The following MOCOS variants were observed in gnomAD, a reference collection of about 807,000 sequenced individuals.
The protein encoded by MOCOS is molybdenum cofactor sulfurase.
MOCOS carries 86 observed loss-of-function variants against 83.6 expected under a neutral mutation model. The observed-to-expected ratio is 1.03, with a 90% confidence interval of 0.86 to 1.23. MOCOS has a LOEUF of 1.23. Ranked by LOEUF, MOCOS falls within the 50% of genes most tolerant of loss-of-function variation. MOCOS has a pLI of 0.00. For missense variants in MOCOS, 1,120 were observed against 1,126.9 expected, an observed-to-expected ratio of 0.99 and a Z score of 0.09; for synonymous variants, 445 against 434.7, an observed-to-expected ratio of 1.02 and a Z score of -0.29.
Position 36,200,178 on chromosome 18 carries a change from C to A in MOCOS, c.795C>A (p.Ile265=), listed in dbSNP as rs1400231897. Reference sequence around the variant, plus strand: ...TTGTCCCCATCTCCTTCTATAAGATCTTCGGGTTTCCTACAGGCCTGGGCG... The same window carrying A: ...TTGTCCCCATCTCCTTCTATAAGATATTCGGGTTTCCTACAGGCCTGGGCG... ...ADFVPISFYK[I]FGFPTGLGAL... Residue 265 remains isoleucine (I), a synonymous_variant, in exon 4 of 15, where the codon ATC becomes ATA. Transcript: ENST00000261326. 11 of 1,614,212 alleles carry A rather than the reference C, an allele frequency of 6.8e-6. No homozygotes were observed. In the South Asian group the frequency reaches 1.1e-4, roughly 16 times the overall value.
chr18:36,190,756 A>C (rs939531260), intron 1 of MOCOS, among the ~76,000 whole-genome samples: 2 of 151,946 alleles, frequency 1.3e-5, no homozygotes, highest in African/African-American at 4.8e-5. Flanking sequence ...CTCAAAAAAA[A>C]CAAAAAAACA....
chr18:36,212,485 T>G (rs1002831767), intron 6 of MOCOS, among the ~76,000 whole-genome samples: 1 of 152,148 alleles, frequency 6.6e-6, no homozygotes, highest in Non-Finnish European at 1.5e-5. Context: ...GGACTCACCT[T>G]AGAGCTGGGA....
At chr18:36,203,022 G>A in intron 4 of MOCOS, 91 bp from the exon 5 acceptor site, 1 of 1,263,182 alleles carries the variant, frequency 7.9e-7, no homozygotes. Flanking sequence ...CAACAGCTAA[G>A]CCTAAAATCT....
intron 9 of MOCOS, among the ~76,000 whole-genome samples, chr18:36,248,496 C>T (rs2091610530): frequency 1.3e-5 from 2 of 152,166 alleles, no homozygotes; most frequent in South Asian, 4.1e-4. Context: ...TTTGAGGTCT[C>T]ATCCAAAAAT....
Position 36,220,137 on chromosome 18 carries a change from G to A in MOCOS, c.1880G>A (p.Ser627Asn). Residue 627 changes from serine to asparagine, a missense_variant, in exon 9 of 15, where the codon AGT becomes AAT. Coordinates refer to ENST00000261326, the MANE Select transcript of MOCOS (RefSeq NM_017947.4). ...GTGAATCACAATGGTGTTTGCCTGA[G>A]TCAGAAGCAGGAACCCCGGCTCTGC... Reference protein sequence around the residue: ...MVVNHNGVCLSQKQEPRLCLI... With the variant: ...MVVNHNGVCLNQKQEPRLCLI... 2 of 1,614,116 alleles carry A rather than the reference G, an allele frequency of 1.2e-6. No homozygotes were observed. The highest frequency in any genetic ancestry group is 1.7e-6 in the Non-Finnish European group (2 of 1,180,020).
At chr18:36,217,951 G>C (rs1044500042) in intron 8 of MOCOS, among the ~76,000 whole-genome samples, 5 of 152,122 alleles carry the variant, frequency 3.3e-5, no homozygotes. Flanking sequence ...ACATGAAGCT[G>C]CTTCTATTGC....
Position 36,195,322 on chromosome 18 carries a change from A to G in MOCOS, c.208A>G (p.Ser70Gly), listed in dbSNP as rs1048563226. ...FSQSQLESFT[S>G]DLMENTYGNP... The stretch of plus-strand genomic sequence containing the variant: ...CCAGAGCCAGCTCGAAAGCTTCACT[A>G]GTGATCTCATGGAAAACACTTATGG... The change falls in exon 2 of 15, where the codon AGT becomes GGT. Residue 70 changes from serine (S) to glycine (G), a missense_variant. Coordinates refer to ENST00000261326, the MANE Select transcript of MOCOS (RefSeq NM_017947.4). 2.5e-6 allele frequency: 4 copies of G among 1,614,144 alleles called. No individual in the cohort carries two copies. Among genetic ancestry groups the G allele is most frequent in the Non-Finnish European group, 3.4e-6 (4 of 1,179,960 alleles).
intron 9 of MOCOS, among the ~76,000 whole-genome samples, 188 bp downstream of exon 9, chr18:36,220,405 A>C (rs1047151816): frequency 5.3e-5 from 8 of 151,392 alleles, no homozygotes; most frequent in Non-Finnish European, 2.9e-5. Context: ...GCTACTCAGG[A>C]GGCTGAGGCA....
At chr18:36,240,152 G>T (rs796886708) in intron 9 of MOCOS, among the ~76,000 whole-genome samples, 51,930 of 129,596 alleles carry the variant, frequency 0.4, 9,477 homozygotes, top group African/African-American at 0.49. Context: ...GTCATTCTCC[G>T]TCCAGCTTTG....
chr18:36,213,459 G>C lies in MOCOS; in HGVS notation c.1312G>C (p.Glu438Gln), dbSNP rs189188406. 2.0e-5 allele frequency: 32 copies of C among 1,613,892 alleles called. No homozygotes were observed. The African/African-American group carries it at 2.9e-4, about 15-fold the overall frequency. ...CCAGAGGCACCTGGGCATAAGCAAC[G>C]AGATGGTCAGGAAGCATTTTCAGGT... ...ACQRHLGISN[E>Q]MVRKHFQAGH... The change falls in exon 7 of 15, where the codon GAG becomes CAG. Residue 438 changes from glutamate to glutamine, a missense_variant. Physicochemically the swap from Glu to Gln is conservative, Grantham distance 29. Coordinates refer to ENST00000261326, the MANE Select transcript of MOCOS (RefSeq NM_017947.4).
intron 9 of MOCOS, among the ~76,000 whole-genome samples, chr18:36,230,866 G>T (rs143208373): frequency 6.6e-6 from 1 of 152,258 alleles, no homozygotes; most frequent in African/African-American, 2.4e-5. Flanking sequence ...TGTCAATTAG[G>T]TTCTGATTTC....
chr18:36,199,089 C>G (rs1462411883), intron 3 of MOCOS, among the ~76,000 whole-genome samples: 1 of 152,162 alleles, frequency 6.6e-6, no homozygotes, highest in Non-Finnish European at 1.5e-5. Context: ...AGTACTATTT[C>G]TCTGGTTTTC....
chr18:36,218,855 T>TTATG (rs2091484883), intron 8 of MOCOS, among the ~76,000 whole-genome samples: 1 of 147,786 alleles, frequency 6.8e-6, no homozygotes, highest in Non-Finnish European at 1.5e-5. Context: ...ATTTATTTAT[T>TTATG]TATTTATTTA....
rs577867392 is a variant in MOCOS at position 36,214,285 on chromosome 18, T to C, written c.1335+803T>C. ...AAAGAAAAGAAAAAAAAGAAAATGC[T>C]TCAAGATATTATCTCTATAGCAGAC... is the stretch of plus-strand genomic sequence containing the variant. On this transcript the variant is annotated intron_variant, in intron 7 of 14. Coordinates refer to ENST00000261326, the MANE Select transcript of MOCOS (RefSeq NM_017947.4). Among the ~76,000 whole-genome samples the C allele has an allele frequency of 1.3e-4, 20 of 151,142 alleles. No individual in the cohort carries two copies. In the South Asian group the frequency reaches 4.2e-3, roughly 32 times the overall value.
intron 2 of MOCOS, among the ~76,000 whole-genome samples, chr18:36,197,950 C>G (rs1228970457): frequency 6.6e-6 from 1 of 152,238 alleles, no homozygotes; most frequent in Non-Finnish European, 1.5e-5. Flanking sequence ...CTACTACTTT[C>G]TGTATCTCTA....
rs769244608 is a variant in MOCOS at position 36,251,112 on chromosome 18, A to T, written c.2040-47A>T. The T allele has an allele frequency of 4.4e-6, 7 of 1,581,206 alleles. No homozygotes were observed. The African/African-American group carries it at 9.5e-5, about 21-fold the overall frequency. On this transcript the variant is annotated intron_variant, in intron 10 of 14. Transcript: ENST00000261326. ...TTTTTGCAATTCAGATTATTATTTA[A>T]ATAAATACTATGTAACAGTTCACTC...
At chr18:36,237,012 T>C (rs1440037030) in intron 9 of MOCOS, among the ~76,000 whole-genome samples, 1 of 151,666 alleles carries the variant, frequency 6.6e-6, no homozygotes, top group Non-Finnish European at 1.5e-5. Flanking sequence ...AAGTTGCTTA[T>C]GAGCTTAAGG....
In MOCOS at chr18:36,187,568, G is replaced by T; in HGVS notation, c.29G>T (p.Arg10Leu). The change falls in exon 1 of 15, where the codon CGG becomes CTG. Residue 10 changes from arginine (R) to leucine (L), a missense_variant. Transcript: ENST00000261326. Reference protein sequence around the residue: MAGAAAESGRELWTFAGSRD... With the variant: MAGAAAESGLELWTFAGSRD... ...GCCGGCGCGGCGGCGGAGTCAGGGC[G>T]GGAGCTGTGGACCTTCGCGGGTTCC... The T allele has an allele frequency of 8.0e-7, 1 of 1,245,084 alleles. No individual in the cohort carries two copies. 77.1% of individuals were successfully genotyped at this position (1,245,084 alleles called of 1,614,324 possible). A position where few individuals can be genotyped will look rare whatever the true frequency, so the allele number is the denominator to read the frequency against.
intron 9 of MOCOS, among the ~76,000 whole-genome samples, chr18:36,241,030 G>C (rs942875958): frequency 3.5e-4 from 53 of 152,286 alleles, no homozygotes; most frequent in African/African-American, 9.9e-4. Context: ...TGCACCCACT[G>C]TCTGGCACTC....
Sources: allele counts gnomAD v4.1 joint callset (sites outside exome capture counted in the v4.1 genomes callset), GRCh38; gene constraint gnomAD v4.1.1; transcripts MANE v1.5; gene names NCBI Gene and HGNC (gene_info 2026-07-23, HGNC 2026-07-21).